Variants in SAMD5 observed in about 807,000 individuals in gnomAD.
SAMD5 encodes the protein sterile alpha motif domain containing 5.
In SAMD5, 13 loss-of-function variants were observed where a neutral mutation model predicts 11.3. The ratio of observed to expected loss-of-function variants is 1.15; its 90% CI spans 0.75 to 1.83. SAMD5 has a LOEUF of 1.83. Ranked by LOEUF, SAMD5 falls within the 40% of genes most tolerant of loss-of-function variation. The pLI is 0.00. For missense variants in SAMD5, 255 were observed against 239.1 expected (o/e 1.07, Z -0.44); for synonymous variants, 129 against 111.3 (o/e 1.16, Z -1.00).
At chr6:147,868,109 G>C in the SAMD5 span, among the ~76,000 whole-genome samples, 3 of 152,236 alleles carry the variant, frequency 2.0e-5, no homozygotes, top group South Asian at 6.2e-4. Flanking sequence ...AACTTATTTT[G>C]GAACAGATTG....
At chr6:147,892,830 C>G in the SAMD5 span, among the ~76,000 whole-genome samples, 1 of 152,196 alleles carries the variant, frequency 6.6e-6, no homozygotes, top group Non-Finnish European at 1.5e-5. Context: ...AACTGTAATA[C>G]TCATCTCTTC....
the SAMD5 span, among the ~76,000 whole-genome samples, chr6:147,944,563 C>T: frequency 6.6e-6 from 1 of 152,206 alleles, no homozygotes. Flanking sequence ...CACAGCCAAA[C>T]CATATTAGCA....
At chr6:147,559,969 C>A (rs577991443) in intron 1 of SAMD5, among the ~76,000 whole-genome samples, 1 of 152,230 alleles carries the variant, frequency 6.6e-6, no homozygotes, top group African/African-American at 2.4e-5. Context: ...CACATATGGG[C>A]TCAGTGAACA....
At chr6:147,799,453 G>A in the SAMD5 span, among the ~76,000 whole-genome samples, 10 of 151,326 alleles carry the variant, frequency 6.6e-5, no homozygotes, top group Admixed American at 4.6e-4. Context: ...TAGTCTGATG[G>A]GCTTCCCTTT....
chr6:147,623,413 T>C (rs187020335), intron 1 of SAMD5, among the ~76,000 whole-genome samples: 88 of 152,320 alleles, frequency 5.8e-4, no homozygotes, highest in Non-Finnish European at 9.8e-4. Flanking sequence ...GACACAAAAA[T>C]TGTATATCCA....
At position 147,707,412 on chromosome 6, in the gene SAMD5, G is replaced by C. The variant is rs568645780; in HGVS notation, c.163-29905G>C. 1.1e-4 allele frequency among the ~76,000 whole-genome samples: 17 copies of C among 152,240 alleles called. No homozygotes were observed. The South Asian group carries it at 2.9e-3, about 26-fold the overall frequency. Reference sequence around the variant, plus strand: ...GTGAAGGTGAACAAAATGTTGAAAGGCTGCAATGGTGTTAAAGTAATGAAT... The same window carrying C: ...GTGAAGGTGAACAAAATGTTGAAAGCCTGCAATGGTGTTAAAGTAATGAAT... On this transcript the variant is annotated intron_variant, in intron 1 of 1. Transcript: ENST00000566741.
At chr6:147,828,369 G>A in the SAMD5 span, among the ~76,000 whole-genome samples, 17 of 152,354 alleles carry the variant, frequency 1.1e-4, no homozygotes, top group Admixed American at 5.9e-4. Flanking sequence ...AACTTGATTG[G>A]ATTGAAGGAT....
the SAMD5 span, among the ~76,000 whole-genome samples, chr6:147,887,090 A>C: frequency 6.6e-6 from 1 of 152,088 alleles, no homozygotes; most frequent in Admixed American, 6.5e-5. Flanking sequence ...GCTAAGTTTC[A>C]AAAAAAATTG....
intron 1 of SAMD5, among the ~76,000 whole-genome samples, chr6:147,635,182 C>T (rs1201991307): frequency 6.6e-6 from 1 of 152,066 alleles, no homozygotes; most frequent in Non-Finnish European, 1.5e-5. Context: ...ATAACTGAGA[C>T]TTTCTGTAAC....
intron 1 of SAMD5, among the ~76,000 whole-genome samples, chr6:147,606,886 G>A (rs1789709558): frequency 6.7e-6 from 1 of 148,834 alleles, no homozygotes; most frequent in Non-Finnish European, 1.5e-5. Context: ...TATTTTCAAT[G>A]ACTATTACAC....
chr6:147,807,079 GT>G, the SAMD5 span, among the ~76,000 whole-genome samples: 18 of 150,902 alleles, frequency 1.2e-4, no homozygotes, highest in South Asian at 4.2e-4. Context: ...AATTTCTGTT[GT>G]TTTTTTTTGT....
chr6:147,866,213 G>A, the SAMD5 span, among the ~76,000 whole-genome samples: 1 of 152,034 alleles, frequency 6.6e-6, no homozygotes, highest in Middle Eastern at 3.4e-3. Context: ...TTATCTTGTT[G>A]ATCAATTTAT....
chr6:147,737,817 C>G (rs1224793304), downstream of SAMD5, among the ~76,000 whole-genome samples: 3 of 150,330 alleles, frequency 2.0e-5, no homozygotes, highest in Non-Finnish European at 2.9e-5. Flanking sequence ...TTCAGTCTTA[C>G]AGTGTATATA....
chr6:147,696,506 C>G (rs1791178665), intron 1 of SAMD5, among the ~76,000 whole-genome samples: 1 of 152,198 alleles, frequency 6.6e-6, no homozygotes, highest in African/African-American at 2.4e-5. Context: ...ACCAATGGGT[C>G]TGGCACCCCT....
At chr6:147,880,620 T>C in the SAMD5 span, among the ~76,000 whole-genome samples, 4 of 152,184 alleles carry the variant, frequency 2.6e-5, no homozygotes, top group Non-Finnish European at 4.4e-5. Flanking sequence ...GGACGTTTTC[T>C]CGGAACCCCT....
intron 1 of SAMD5, among the ~76,000 whole-genome samples, chr6:147,524,540 ACTT>A (rs147617816): frequency 0.012 from 1,803 of 151,592 alleles, 38 homozygotes; most frequent in African/African-American, 0.042. Context: ...TAATAATTTG[ACTT>A]CTTCTTCATT....
intron 1 of SAMD5, among the ~76,000 whole-genome samples, chr6:147,580,851 C>G (rs201836126): frequency 1.3e-5 from 2 of 151,302 alleles, no homozygotes; most frequent in South Asian, 4.2e-4. Context: ...GTTCTAGGAG[C>G]AGGAAAGTAG....
At chr6:147,695,700 G>A (rs910529094) in intron 1 of SAMD5, among the ~76,000 whole-genome samples, 1 of 152,148 alleles carries the variant, frequency 6.6e-6, no homozygotes, top group Non-Finnish European at 1.5e-5. Context: ...GAATAAGACA[G>A]GGTCCTGAAC....
chr6:147,894,756 A>G, the SAMD5 span, among the ~76,000 whole-genome samples: 1 of 152,192 alleles, frequency 6.6e-6, no homozygotes. Context: ...TTCAAGACAC[A>G]TACACGATCT....
Sources: gnomAD v4.1 joint callset for allele counts (sites outside exome capture counted in the v4.1 genomes callset) on GRCh38, gnomAD v4.1.1 for gene constraint, MANE v1.5 for transcripts, NCBI Gene and HGNC (gene_info 2026-07-23, HGNC 2026-07-21) for gene names.